The following VPS13C variants were observed in gnomAD, a reference collection of about 807,000 sequenced individuals.
VPS13C encodes the protein intermembrane lipid transfer protein VPS13C.
VPS13C carries 358 observed loss-of-function variants against 456.8 expected under a neutral mutation model. That is an observed-to-expected ratio of 0.78 (90% confidence interval 0.72 to 0.86). VPS13C has a LOEUF of 0.86. Ranked by LOEUF, VPS13C falls within the 40% of genes least tolerant of loss-of-function variation. The pLI is 0.00. For synonymous variants in VPS13C, 1,578 were observed against 1,486.7 expected (o/e 1.06, Z -1.41); for missense variants, 4,818 against 4,385.4 (o/e 1.10, Z -2.79).
rs1391683497 is a variant in VPS13C, at chr15:61,858,929, A to G, written c.10953-2520T>C. On this transcript the variant is annotated intron_variant, in intron 82 of 84. Transcript: ENST00000644861. This position sits in a 1 kb window ranked among gnomAD's most constrained non-coding sequence, Gnocchi z 4.4. ...CTTGCCTCTGGACTGATTCTCTTCC[A>G]GTATAACATCCAAACCGCCAAGGAT... 6.6e-6 allele frequency among the ~76,000 whole-genome samples: 1 copy of G among 152,236 alleles called. No homozygotes were observed. Among genetic ancestry groups the G allele is most frequent in the African/African-American group, 2.4e-5 (1 of 41,460 alleles).
At chr15:61,879,333 AT>A (rs1895689264) in intron 73 of VPS13C, 1 of 152,120 alleles carries the variant, frequency 6.6e-6, no homozygotes, top group African/African-American at 2.4e-5. Flanking sequence ...TTCCTTTCTC[AT>A]TTTGTCATTT....
chr15:61,927,501 A>C, intron 51 of VPS13C, 181 bp from the exon 52 acceptor site: 1 of 584,584 alleles, frequency 1.7e-6, no homozygotes, highest in Admixed American at 3.2e-5. Context: ...ATGCAGATTG[A>C]GCAAGATAAG....
chr15:62,020,889 AC>A (rs375873182), intron 8 of VPS13C, among the ~76,000 whole-genome samples: 1 of 152,110 alleles, frequency 6.6e-6, no homozygotes, highest in African/African-American at 2.4e-5. Flanking sequence ...AAAAGGTGTT[AC>A]AGATAACACT....
chr15:62,027,800 C>G (rs904684725), intron 6 of VPS13C, among the ~76,000 whole-genome samples: 3 of 151,934 alleles, frequency 2.0e-5, no homozygotes, highest in Non-Finnish European at 4.4e-5. Context: ...CTAATATAAA[C>G]AGTAAGACTT....
chr15:62,039,769 T>C (rs1158384036), intron 3 of VPS13C, among the ~76,000 whole-genome samples: 1 of 152,108 alleles, frequency 6.6e-6, no homozygotes, highest in African/African-American at 2.4e-5. Flanking sequence ...GGAATGTAAA[T>C]TATTATGGCC....
chr15:61,955,115 C>T (rs753038389), intron 37 of VPS13C, among the ~76,000 whole-genome samples: 7 of 152,094 alleles, frequency 4.6e-5, no homozygotes, highest in African/African-American at 9.7e-5. Context: ...TTCTGAAATT[C>T]GTACACCCTG....
In VPS13C at chr15:61,936,729, A is replaced by C. The variant is rs2044239455; in HGVS notation, c.5623T>G (p.Leu1875Val). 1 of 1,610,884 alleles carries C rather than the reference A, an allele frequency of 6.2e-7. No individual in the cohort carries two copies. Among genetic ancestry groups the C allele is most frequent in the Non-Finnish European group, 8.5e-7 (1 of 1,179,080 alleles). ...AGCAAAATTTTCATTAAAACTGTCAAGTCATCTTCACTGAGAGCAACCTAG... is the reference window on the plus strand; with the variant it reads ...AGCAAAATTTTCATTAAAACTGTCACGTCATCTTCACTGAGAGCAACCTAG... ...PMQVALSEDD[L>V]TVLMKILLEN... Residue 1875 changes from leucine (L) to valine (V), a missense_variant, in exon 48 of 85, where the codon TTG (leucine) becomes GTG (valine). Leu to Val is a conservative substitution (Grantham distance 32, BLOSUM62 1). Coordinates refer to ENST00000644861, the MANE Select transcript of VPS13C (RefSeq NM_020821.3).
intron 2 of VPS13C, among the ~76,000 whole-genome samples, chr15:62,043,913 A>C (rs573039732): frequency 6.6e-6 from 1 of 152,236 alleles, no homozygotes; most frequent in Non-Finnish European, 1.5e-5. Flanking sequence ...TCTCAAAAAT[A>C]CGTAAAGACA....
Position 61,959,439 on chromosome 15 carries a change from T to C in VPS13C, c.4056+9A>G. 2 of 1,604,192 alleles carry C rather than the reference T, an allele frequency of 1.2e-6. No individual in the cohort carries two copies. Among genetic ancestry groups the C allele is most frequent in the Admixed American group, 1.7e-5 (1 of 59,082 alleles). The stretch of plus-strand genomic sequence containing the variant: ...AACAATGAAGTTTTTTCTTCACTCA[T>C]ATACTTACATTCATTGAATCAAGAT... On this transcript the variant is annotated intron_variant, in intron 36 of 84. Transcript: ENST00000644861.
chr15:62,008,718 A>G lies in VPS13C; in HGVS notation c.1055T>C (p.Val352Ala). The change falls in exon 14 of 85, where the codon GTT becomes GCT. Residue 352 changes from valine to alanine, a missense_variant. By Grantham distance (64) the Val-to-Ala change is moderately conservative. This residue lies in a region of VPS13C where 4,552 missense variants were observed against 4,130.6 expected (regional missense o/e 1.10). Coordinates refer to ENST00000644861, the MANE Select transcript of VPS13C (RefSeq NM_020821.3). ...GTATTTCCTATAAGGCGCATTCCTAACCATATAATCCACTGACTCCAAAAG... is the reference window on the plus strand; with the variant it reads ...GTATTTCCTATAAGGCGCATTCCTAGCCATATAATCCACTGACTCCAAAAG... ...IDLLESVDYM[V>A]RNAPYRKYKP... is the part of the protein sequence containing the mutation. 3 of 1,607,954 alleles carry G rather than the reference A, an allele frequency of 1.9e-6. No homozygotes were observed. Among genetic ancestry groups the G allele is most frequent in the Non-Finnish European group, 2.5e-6 (3 of 1,176,914 alleles).
intron 49 of VPS13C, among the ~76,000 whole-genome samples, chr15:61,933,452 C>T (rs1216719579): frequency 6.6e-6 from 1 of 151,938 alleles, no homozygotes; most frequent in Non-Finnish European, 1.5e-5. Context: ...TGGACATTAA[C>T]AGATATAATA....
At chr15:61,999,612 G>C (rs1381201442) in intron 16 of VPS13C, among the ~76,000 whole-genome samples, 1 of 151,894 alleles carries the variant, frequency 6.6e-6, no homozygotes, top group African/African-American at 2.4e-5. Flanking sequence ...GAGTGTTTTT[G>C]TTTTATTTAT....
At chr15:61,998,774 T>C (rs2046483589) in intron 16 of VPS13C, among the ~76,000 whole-genome samples, 1 of 152,180 alleles carries the variant, frequency 6.6e-6, no homozygotes, top group Non-Finnish European at 1.5e-5. Flanking sequence ...TTGAACGGCA[T>C]GAGTACACTT....
At chr15:61,952,053 A>G (rs2044817324) in intron 38 of VPS13C, 73 bp from the exon 39 acceptor site, 1 of 1,495,208 alleles carries the variant, frequency 6.7e-7, no homozygotes, top group African/African-American at 1.4e-5. Context: ...GAATTTAATA[A>G]GTATCCAGAG....
At chr15:61,985,314 T>C (rs1307320882) in intron 18 of VPS13C, among the ~76,000 whole-genome samples, 1 of 152,332 alleles carries the variant, frequency 6.6e-6, no homozygotes, top group South Asian at 2.1e-4. Flanking sequence ...TGGAGTGCAG[T>C]GGCACAATCA....
intron 45 of VPS13C, among the ~76,000 whole-genome samples, 190 bp downstream of exon 45, chr15:61,945,525 A>C (rs1384541284): frequency 6.6e-6 from 1 of 152,232 alleles, no homozygotes; most frequent in Non-Finnish European, 1.5e-5. Flanking sequence ...CTATATCTTC[A>C]AAACAATAAT....
intron 59 of VPS13C, among the ~76,000 whole-genome samples, 173 bp from the exon 60 acceptor site, chr15:61,917,808 A>C (rs1014674568): frequency 1.3e-5 from 2 of 152,156 alleles, no homozygotes; most frequent in African/African-American, 2.4e-5. Context: ...ACCCAAAATC[A>C]CATAGCTAAC....
At chr15:61,961,397 AC>A (rs2045198563) in intron 35 of VPS13C, among the ~76,000 whole-genome samples, 191 bp downstream of exon 35, 1 of 19,546 alleles carries the variant, frequency 5.1e-5, no homozygotes, top group African/African-American at 1.3e-4. Flanking sequence ...AACTCAAAAC[AC>A]ACACACACAC....
At chr15:61,871,906 T>C (rs1188822592) in intron 79 of VPS13C, 83 bp downstream of exon 79, 4 of 1,210,070 alleles carry the variant, frequency 3.3e-6, no homozygotes, top group Non-Finnish European at 4.7e-6. Context: ...CAATCAAGTA[T>C]ATAGCAGCAA....
Sources: allele counts gnomAD v4.1 joint callset (sites outside exome capture counted in the v4.1 genomes callset), GRCh38; gene constraint gnomAD v4.1.1; regional missense constraint gnomAD v4.1.1; non-coding constraint Gnocchi (gnomAD v3.1); transcripts MANE v1.5; gene names NCBI Gene and HGNC (gene_info 2026-07-23, HGNC 2026-07-21).